The following U2SURP variants were observed in gnomAD, a reference collection of about 807,000 sequenced individuals.
U2SURP encodes U2 snRNP-associated SURP motif-containing protein.
Under a neutral mutation model 144.9 loss-of-function variants are expected in U2SURP, and 9 were observed. The observed-to-expected ratio is 0.06, with a 90% CI of 0.04 to 0.11. U2SURP has a LOEUF of 0.11. U2SURP is among the 10% of genes least tolerant of loss of function. The probability of loss-of-function intolerance (pLI) is 1.00; values close to 1 mark genes in which losing one functional copy is unlikely to be tolerated. For synonymous variants in U2SURP, 408 were observed against 396.8 expected, an observed-to-expected ratio of 1.03 and a Z score of -0.33; for missense variants, 724 against 1,226.7, an observed-to-expected ratio of 0.59 and a Z score of 6.12.
chr3:143,028,731 C>A, intron 16 of U2SURP, 85 bp downstream of exon 16: 1 of 1,213,070 alleles, frequency 8.2e-7, no homozygotes, highest in Non-Finnish European at 1.1e-6. Flanking sequence ...AGATGTTAAC[C>A]CTAAAATAAA....
chr3:143,044,715 T>C (rs760344124), intron 24 of U2SURP, among the ~76,000 whole-genome samples: 28 of 152,220 alleles, frequency 1.8e-4, no homozygotes, highest in Non-Finnish European at 2.5e-4. Context: ...GCCTACTGTA[T>C]GTCAGTACTA....
chr3:143,031,423 G>GCCCCAACCTTCAGCTACCACCA (rs1933480309), intron 16 of U2SURP, among the ~76,000 whole-genome samples: 1 of 138,512 alleles, frequency 7.2e-6, no homozygotes, highest in African/African-American at 2.6e-5. Context: ...AGCTACCACC[G>GCCCCAACCTTCAGCTACCACCA]CCCTAACCTT....
In U2SURP at chr3:143,020,045, T is replaced by C. The variant is rs1177563116; in HGVS notation, c.638+9T>C. 3.4e-6 allele frequency: 5 copies of C among 1,467,812 alleles called. No individual in the cohort carries two copies. The highest frequency in any genetic ancestry group is 4.6e-6 in the Non-Finnish European group (5 of 1,092,092). 90.9% of individuals were successfully genotyped at this position (1,467,812 alleles called of 1,614,324 possible). A position where few individuals can be genotyped will look rare whatever the true frequency, so the allele number is the denominator to read the frequency against. On this transcript the variant is annotated intron_variant, in intron 7 of 27. Transcript: ENST00000473835. The stretch of plus-strand genomic sequence containing the variant: ...AAAGAAGAATTAAAGCAGTAAGTTT[T>C]ATAGTGTGGAGAATAACTATCATAG...
At chr3:143,010,934 G>T in intron 2 of U2SURP, 75 bp downstream of exon 2, 3 of 1,066,910 alleles carry the variant, frequency 2.8e-6, no homozygotes, top group East Asian at 2.6e-5. Flanking sequence ...CTACATCAAT[G>T]ATTTTACTTG....
chr3:143,044,780 C>T (rs1156719149), intron 24 of U2SURP, among the ~76,000 whole-genome samples: 1 of 152,138 alleles, frequency 6.6e-6, no homozygotes, highest in Admixed American at 6.5e-5. Flanking sequence ...TGCCACTTCT[C>T]CACATAGTCA....
At position 143,019,979 on chromosome 3, in the gene U2SURP, AAGG is replaced by A; in HGVS notation, c.584_586del (p.Gly195del). The A allele has an allele frequency of 6.6e-7, 1 of 1,518,796 alleles. No individual in the cohort carries two copies. The highest frequency in any genetic ancestry group is 8.9e-7 in the Non-Finnish European group (1 of 1,126,500). 94.1% of individuals were successfully genotyped at this position (1,518,796 alleles called of 1,614,324 possible). On this transcript the variant is annotated inframe_deletion, in exon 7 of 28. Transcript: ENST00000473835. Reference sequence around the variant, plus strand: ...TCATATCCTTTATAGCCACTTAAAAAAGGAGAGAAAGAAAAGAAAAAAAGCAAT... The same window carrying A: ...TCATATCCTTTATAGCCACTTAAAAAAGAGAAAGAAAAGAAAAAAAGCAAT...
At chr3:143,049,707 T>C (rs1934747432) in intron 24 of U2SURP, among the ~76,000 whole-genome samples, 1 of 152,218 alleles carries the variant, frequency 6.6e-6, no homozygotes, top group African/African-American at 2.4e-5. Context: ...ATAGTTTTTA[T>C]TTTAACCACT....
intron 21 of U2SURP, 56 bp downstream of exon 21, chr3:143,037,391 T>C (rs1013573539): frequency 7.2e-5 from 109 of 1,514,150 alleles, no homozygotes; most frequent in Non-Finnish European, 9.2e-5. Context: ...TGACCAAAAC[T>C]CTAATTTCCA....
In U2SURP at chr3:143,028,539, T is replaced by A; in HGVS notation, c.1503T>A (p.Ser501=). The A allele has an allele frequency of 6.3e-7, 1 of 1,591,738 alleles. No individual in the cohort carries two copies. The highest frequency in any genetic ancestry group is 8.5e-7 in the Non-Finnish European group (1 of 1,174,198). ...ATTTTCGTATGTTCAAAAATGGATC[T>A]TTTTGGAGGCCACCACCATTAAATC... ...TEDFRMFKNG[S]FWRPPPLNPY... Residue 501 remains serine, a synonymous_variant, in exon 16 of 28, where the codon TCT becomes TCA. Coordinates refer to ENST00000473835, the MANE Select transcript of U2SURP (RefSeq NM_001080415.2).
chr3:143,010,376 G>A (rs16852892), intron 1 of U2SURP, among the ~76,000 whole-genome samples: 5,866 of 152,246 alleles, frequency 0.039, 329 homozygotes, highest in African/African-American at 0.13. Flanking sequence ...AGACAGCAAG[G>A]ATTTATATGT....
chr3:143,007,874 A>AT (rs1560174272), intron 1 of U2SURP, among the ~76,000 whole-genome samples: 1 of 152,224 alleles, frequency 6.6e-6, no homozygotes, highest in African/African-American at 2.4e-5. Flanking sequence ...AAGTAGTGCT[A>AT]TATTTACTGT....
chr3:143,037,306 G>C lies in U2SURP; in HGVS notation c.2192G>C (p.Ser731Thr). 6.2e-7 allele frequency: 1 copy of C among 1,612,390 alleles called. No individual in the cohort carries two copies. The highest frequency in any genetic ancestry group is 1.1e-5 in the South Asian group (1 of 90,774). The change falls in exon 21 of 28, where the codon AGT becomes ACT. Residue 731 changes from serine to threonine, a missense_variant. Physicochemically the swap from Ser to Thr is moderately conservative, Grantham distance 58. This residue lies in a region of U2SURP where 116 missense variants were observed against 167.9 expected (regional missense o/e 0.69). Transcript: ENST00000473835. The part of the protein sequence containing the change: ...IDDLDGVPIK[S>T]LDDDLDGVPL... ...GATCTTGATGGAGTCCCTATAAAAAGTCTTGATGATGATCTTGATGGAGTG... is the reference window on the plus strand; with the variant it reads ...GATCTTGATGGAGTCCCTATAAAAACTCTTGATGATGATCTTGATGGAGTG...
chr3:143,043,339 A>T (rs1278443282), intron 24 of U2SURP, 63 bp downstream of exon 24: 1 of 1,505,076 alleles, frequency 6.6e-7, no homozygotes, highest in Admixed American at 2.1e-5. Flanking sequence ...CACCAAACTA[A>T]GTTGCCTCTT....
At chr3:143,035,833 G>T in intron 19 of U2SURP, 149 bp from the exon 20 acceptor site, 1 of 680,716 alleles carries the variant, frequency 1.5e-6, no homozygotes, top group Non-Finnish European at 2.2e-6. Context: ...TAAAAAATAT[G>T]GTAATGATAT....
intron 20 of U2SURP, 32 bp from the exon 21 acceptor site, chr3:143,037,147 G>A: frequency 6.3e-7 from 1 of 1,592,388 alleles, no homozygotes; most frequent in South Asian, 1.1e-5. Context: ...AGCAAGCAAA[G>A]GAAAATGTTA....
chr3:143,009,434 C>A (rs376607686), intron 1 of U2SURP, among the ~76,000 whole-genome samples: 83 of 152,014 alleles, frequency 5.5e-4, no homozygotes, highest in African/African-American at 1.9e-3. Context: ...TCCGTCTCTA[C>A]TAAAAATACA....
At chr3:143,014,275 G>A in intron 3 of U2SURP, 36 bp from the exon 4 acceptor site, 1 of 1,413,132 alleles carries the variant, frequency 7.1e-7, no homozygotes, top group Non-Finnish European at 9.8e-7. Flanking sequence ...ATAGCATTAA[G>A]AATCTATATG....
intron 21 of U2SURP, among the ~76,000 whole-genome samples, chr3:143,037,842 T>G (rs1933894094): frequency 6.6e-6 from 1 of 152,122 alleles, no homozygotes; most frequent in Non-Finnish European, 1.5e-5. Context: ...GGTAAAGATA[T>G]TAAAGATTTG....
intron 1 of U2SURP, 113 bp from the exon 2 acceptor site, chr3:143,010,702 C>A: frequency 1.6e-6 from 1 of 619,182 alleles, no homozygotes; most frequent in Non-Finnish European, 2.6e-6. Context: ...GTTTTATTAG[C>A]TGAGGAGAAA....
Sources: gnomAD v4.1 joint callset for allele counts (sites outside exome capture counted in the v4.1 genomes callset) on GRCh38, gnomAD v4.1.1 for gene constraint, gnomAD v4.1.1 regional missense constraint, MANE v1.5 for transcripts, NCBI Gene and HGNC (gene_info 2026-07-23, HGNC 2026-07-21) for gene names.